The following YJU2 variants were observed in gnomAD, a reference collection of about 807,000 sequenced individuals.
The protein encoded by YJU2 is splicing factor YJU2.
In YJU2, 28 loss-of-function variants were observed where a neutral mutation model predicts 39.6. The observed-to-expected ratio is 0.71, with a 90% CI of 0.52 to 0.97. YJU2 has a LOEUF of 0.97. Among genes scored for constraint, YJU2 ranks in the 50% least tolerant of loss-of-function variants. The pLI, the probability that YJU2 is intolerant of heterozygous loss-of-function variation, is 0.00. For synonymous variants in YJU2, 184 were observed against 182.4 expected, an observed-to-expected ratio of 1.01 and a Z score of -0.07; for missense variants, 328 against 430.4, an observed-to-expected ratio of 0.76 and a Z score of 2.11.
intron 3 of YJU2, among the ~76,000 whole-genome samples, chr19:4,252,434 T>TA (rs56992923): frequency 0.4 from 59,863 of 148,930 alleles, 13,703 homozygotes; most frequent in African/African-American, 0.64. Flanking sequence ...CCGTCTCTAC[T>TA]AAAAAAAAAG....
intron 6 of YJU2, among the ~76,000 whole-genome samples, chr19:4,266,741 G>T (rs928033291): frequency 6.6e-6 from 1 of 152,160 alleles, no homozygotes; most frequent in Non-Finnish European, 1.5e-5. Flanking sequence ...CAGCTCTTTG[G>T]GACGCTGAGA....
chr19:4,247,579 GCGCGTGTGTGT>G (rs1970932167), intron 1 of YJU2, among the ~76,000 whole-genome samples: 1 of 52,688 alleles, frequency 1.9e-5, no homozygotes, highest in African/African-American at 1.8e-4. Context: ...GGGTGGGGTG[GCGCGTGTGTGT>G]GTGTGTGTGT....
intron 5 of YJU2, among the ~76,000 whole-genome samples, chr19:4,260,510 G>A (rs1971062245): frequency 6.6e-6 from 1 of 152,092 alleles, no homozygotes; most frequent in African/African-American, 2.4e-5. Flanking sequence ...GCTGAAGTGG[G>A]CGTATCACCT....
At position 4,247,659 on chromosome 19, in the gene YJU2, GT is replaced by G. The variant is rs1568359710; in HGVS notation, c.24+490del. 1.1e-3 allele frequency among the ~76,000 whole-genome samples: 86 copies of G among 76,118 alleles called. 3 individuals are homozygous for G. Among genetic ancestry groups the G allele is most frequent in the South Asian group, 3.7e-3 (6 of 1,636 alleles). 49.9% of individuals were successfully genotyped at this position (76,118 alleles called of 152,430 possible). On this transcript the variant is annotated intron_variant, in intron 1 of 7. Coordinates refer to ENST00000262962, the MANE Select transcript of YJU2 (RefSeq NM_018074.6). ...TGTGTGTGTGTGTGTGTGTGTGTGT[GT>G]GTGTGTGTGTGTGTGTGTGTGTGTG... is the stretch of plus-strand genomic sequence containing the variant.
chr19:4,258,482 G>A lies in YJU2; in HGVS notation c.587+59G>A, dbSNP rs1971042283. ...CGCAGCCTCTGCCCCGGCAGGCGCT[G>A]CCTCTGCCCCAGACCCTTTCCCCGC... On this transcript the variant is annotated intron_variant, in intron 5 of 7. Coordinates refer to ENST00000262962, the MANE Select transcript of YJU2 (RefSeq NM_018074.6). 10 of 1,527,146 alleles carry A rather than the reference G, an allele frequency of 6.5e-6. No homozygotes were observed. The East Asian group carries it at 1.9e-4, about 30-fold the overall frequency. 94.6% of individuals were successfully genotyped at this position (1,527,146 alleles called of 1,614,324 possible).
chr19:4,262,348 G>A (rs904814908), intron 6 of YJU2, among the ~76,000 whole-genome samples: 3 of 152,050 alleles, frequency 2.0e-5, no homozygotes, highest in Admixed American at 1.3e-4. Flanking sequence ...ACAGGCACGC[G>A]CCACCAAGCC....
At chr19:4,263,091 A>C (rs908567681) in intron 6 of YJU2, among the ~76,000 whole-genome samples, 7 of 151,770 alleles carry the variant, frequency 4.6e-5, no homozygotes, top group African/African-American at 9.7e-5. Context: ...AAAAAAAAAA[A>C]ACTTAATTTA....
At chr19:4,252,180 G>A (rs1311189298) in intron 3 of YJU2, among the ~76,000 whole-genome samples, 1 of 143,628 alleles carries the variant, frequency 7.0e-6, no homozygotes, top group Non-Finnish European at 1.5e-5. Context: ...AAACATTTTG[G>A]GCTGGGCGCA....
chr19:4,261,791 T>G (rs1971072595), intron 5 of YJU2, among the ~76,000 whole-genome samples: 1 of 151,862 alleles, frequency 6.6e-6, no homozygotes, highest in Admixed American at 6.6e-5. Flanking sequence ...ATTGTGCCAC[T>G]TCACCCTCCC....
chr19:4,260,073 G>A (rs924246867), intron 5 of YJU2, among the ~76,000 whole-genome samples: 14 of 151,990 alleles, frequency 9.2e-5, no homozygotes, highest in Non-Finnish European at 1.3e-4. Flanking sequence ...GGCTGGTTCC[G>A]GCATCCAGGC....
chr19:4,249,474 C>T (rs1425718830), intron 2 of YJU2, 146 bp downstream of exon 2: 3 of 585,762 alleles, frequency 5.1e-6, no homozygotes, highest in East Asian at 5.8e-5. Flanking sequence ...TTCCAACCCT[C>T]CTTCGCCTCA....
chr19:4,249,136 C>G, intron 1 of YJU2, 92 bp from the exon 2 acceptor site: 1 of 848,264 alleles, frequency 1.2e-6, no homozygotes. Context: ...CTTGGGGACC[C>G]CCGACACAGC....
chr19:4,253,198 TACACACACACACAC>T (rs58339658), intron 3 of YJU2, among the ~76,000 whole-genome samples: 9 of 139,074 alleles, frequency 6.5e-5, no homozygotes, highest in South Asian at 2.4e-4. Context: ...TGTCCGTGTC[TACACACACACACAC>T]ACACACACAC....
chr19:4,254,917 A>G (rs549225075), intron 4 of YJU2, among the ~76,000 whole-genome samples: 6 of 152,098 alleles, frequency 3.9e-5, no homozygotes, highest in African/African-American at 1.2e-4. Context: ...TTAGCCAGGC[A>G]TGGTGGCACG....
chr19:4,257,164 G>T (rs138593115), intron 4 of YJU2, among the ~76,000 whole-genome samples: 6 of 152,064 alleles, frequency 3.9e-5, no homozygotes, highest in African/African-American at 1.4e-4. Flanking sequence ...CACCAGACTC[G>T]CCTCCCTCAG....
Position 4,258,382 on chromosome 19 carries a change from G to T in YJU2, c.546G>T (p.Glu182Asp), listed in dbSNP as rs1464760979. The T allele has an allele frequency of 1.9e-6, 3 of 1,597,552 alleles. No homozygotes were observed. Among genetic ancestry groups the T allele is most frequent in the Non-Finnish European group, 2.6e-6 (3 of 1,174,064 alleles). The part of the protein sequence containing the change: ...MLRQHRLSEE[E>D]RRRQQQEEDE... ...GGCAGCACCGCCTGTCGGAGGAGGA[G>T]CGGCGGAGGCAGCAGCAGGAGGAGG... The change falls in exon 5 of 8, where the codon GAG becomes GAT. Residue 182 changes from glutamate to aspartate, a missense_variant. Coordinates refer to ENST00000262962, the MANE Select transcript of YJU2 (RefSeq NM_018074.6).
chr19:4,250,157 C>T (rs951234426), intron 2 of YJU2, among the ~76,000 whole-genome samples: 4 of 152,200 alleles, frequency 2.6e-5, no homozygotes, highest in Non-Finnish European at 5.9e-5. Flanking sequence ...CACCAACTCT[C>T]AACCCCATAC....
intron 3 of YJU2, among the ~76,000 whole-genome samples, chr19:4,251,588 G>C (rs1212769742): frequency 1.3e-5 from 2 of 151,744 alleles, no homozygotes; most frequent in African/African-American, 4.8e-5. Flanking sequence ...GAGAGGCTAA[G>C]GCAGGAGAAT....
intron 6 of YJU2, among the ~76,000 whole-genome samples, chr19:4,264,688 T>C (rs1480140359): frequency 6.6e-6 from 1 of 152,106 alleles, no homozygotes; most frequent in Non-Finnish European, 1.5e-5. Flanking sequence ...CGTTTCACCA[T>C]GTTGGCCAGG....
Sources: allele counts gnomAD v4.1 joint callset (sites outside exome capture counted in the v4.1 genomes callset), GRCh38; gene constraint gnomAD v4.1.1; transcripts MANE v1.5; gene names NCBI Gene and HGNC (gene_info 2026-07-23, HGNC 2026-07-21).